Variants in CNTN5 observed in about 807,000 individuals in gnomAD.
CNTN5 encodes the protein contactin-5.
CNTN5 carries 77 observed loss-of-function variants against 129.1 expected under a neutral mutation model. The ratio of observed to expected loss-of-function variants is 0.60; its 90% confidence interval spans 0.50 to 0.72. CNTN5 has a LOEUF of 0.72. Ranked by LOEUF, CNTN5 falls within the 30% of genes least tolerant of loss-of-function variation. The pLI, the probability that CNTN5 is intolerant of heterozygous loss-of-function variation, is 0.00. For missense variants in CNTN5, 1,478 were observed against 1,328.8 expected (o/e 1.11, Z -1.75); for synonymous variants, 509 against 465.6 (o/e 1.09, Z -1.20).
Position 100,354,021 on chromosome 11 carries a change from C to T in CNTN5, c.3200-2096C>T, listed in dbSNP as rs560272263. On this transcript the variant is annotated intron_variant, in intron 24 of 24. Transcript: ENST00000524871. Reference sequence around the variant, plus strand: ...TATTAGGGTTTTAACTAAGGCCAATCATTGTTTTAAGAGAGATAATACACG... The same window carrying T: ...TATTAGGGTTTTAACTAAGGCCAATTATTGTTTTAAGAGAGATAATACACG... Among the ~76,000 whole-genome samples the T allele has an allele frequency of 4.0e-4, 60 of 151,532 alleles. No individual in the cohort carries two copies. The South Asian group carries it at 0.012, about 31-fold the overall frequency.
chr11:99,662,524 T>G (rs1952632498), intron 3 of CNTN5, among the ~76,000 whole-genome samples: 2 of 152,370 alleles, frequency 1.3e-5, no homozygotes, highest in South Asian at 4.1e-4. Flanking sequence ...ATGCTCATTT[T>G]CTTCACATTT....
chr11:100,336,957 G>T, intron 21 of CNTN5: 1 of 709,696 alleles, frequency 1.4e-6, no homozygotes, highest in South Asian at 1.5e-5. Context: ...ACCTTCTTAG[G>T]CAGAAAAGAA....
intron 3 of CNTN5, among the ~76,000 whole-genome samples, chr11:99,763,120 T>C (rs1203825918): frequency 8.1e-6 from 1 of 123,732 alleles, no homozygotes; most frequent in African/African-American, 2.8e-5. Flanking sequence ...CATATTCATA[T>C]ACTTTACTGT....
chr11:99,798,554 TTGTTGAAGATTAGATGGCTATGGGTA>T (rs1946019243), intron 3 of CNTN5, among the ~76,000 whole-genome samples: 1 of 152,158 alleles, frequency 6.6e-6, no homozygotes, highest in South Asian at 2.1e-4. Context: ...TTTGTTGACT[TTGTTGAAGATTAGATGGCTATGGGTA>T]TTTGGTGTTA....
chr11:99,920,814 A>G (rs953328584), intron 7 of CNTN5, among the ~76,000 whole-genome samples: 5 of 152,112 alleles, frequency 3.3e-5, no homozygotes, highest in Non-Finnish European at 5.9e-5. Flanking sequence ...ACACTTGCCA[A>G]CTAATACCAG....
intron 3 of CNTN5, among the ~76,000 whole-genome samples, chr11:99,572,206 AAAG>A (rs1452383399): frequency 1.3e-5 from 2 of 152,258 alleles, no homozygotes; most frequent in African/African-American, 4.8e-5. Flanking sequence ...CACACTGGAA[AAAG>A]AAGAATTGTC....
Position 100,061,278 on chromosome 11 carries a change from A to G in CNTN5, c.1047A>G (p.Lys349=). 6.2e-7 allele frequency: 1 copy of G among 1,613,666 alleles called. No individual in the cohort carries two copies. The highest frequency in any genetic ancestry group is 8.5e-7 in the Non-Finnish European group (1 of 1,179,606). The change falls in exon 10 of 25, where the codon AAA becomes AAG. Residue 349 remains lysine, a synonymous_variant. Transcript: ENST00000524871. ...GYIPSKARLR[K]SQAVLEIPNV... The stretch of plus-strand genomic sequence containing the variant: ...TTCCTAGTAAGGCACGTCTGCGGAA[A>G]TCTCAGGCGGTGCTGGAAATACCGA...
At chr11:99,556,522 A>G (rs1396480115) in intron 3 of CNTN5, among the ~76,000 whole-genome samples, 2 of 140,720 alleles carry the variant, frequency 1.4e-5, no homozygotes, top group African/African-American at 5.1e-5. Context: ...TTCATTTGCA[A>G]TCTAAACCAT....
chr11:100,056,850 G>A (rs978635251), intron 9 of CNTN5, among the ~76,000 whole-genome samples: 4 of 151,696 alleles, frequency 2.6e-5, no homozygotes, highest in Admixed American at 2.0e-4. Context: ...GATTCCATAG[G>A]AGGTAAACTG....
At chr11:99,669,846 A>G (rs1000935460) in intron 3 of CNTN5, among the ~76,000 whole-genome samples, 2 of 152,146 alleles carry the variant, frequency 1.3e-5, no homozygotes, top group Non-Finnish European at 2.9e-5. Flanking sequence ...TTCTCATTCA[A>G]CACCCTGTCT....
At chr11:99,151,202 C>CT (rs934465446) in intron 1 of CNTN5, among the ~76,000 whole-genome samples, 4 of 150,808 alleles carry the variant, frequency 2.7e-5, no homozygotes, top group Admixed American at 6.6e-5. Context: ...GCTTTGTCAA[C>CT]TTTTTTTTTA....
intron 13 of CNTN5, among the ~76,000 whole-genome samples, chr11:100,086,133 T>C (rs1234792767): frequency 1.6e-4 from 25 of 151,912 alleles, no homozygotes; most frequent in Non-Finnish European, 1.5e-4. Flanking sequence ...AGTTCAAGCT[T>C]AACTTAGTAG....
At chr11:99,186,309 A>G (rs1858348366) in intron 1 of CNTN5, among the ~76,000 whole-genome samples, 1 of 151,990 alleles carries the variant, frequency 6.6e-6, no homozygotes, top group South Asian at 2.1e-4. Context: ...ACATTATAGC[A>G]CTCATACCTT....
chr11:100,124,633 G>A (rs1946126973), intron 13 of CNTN5, among the ~76,000 whole-genome samples: 1 of 152,048 alleles, frequency 6.6e-6, no homozygotes, highest in East Asian at 1.9e-4. Context: ...TTGTGATTTA[G>A]TATAAACACA....
At chr11:99,375,112 G>T (rs1289472748) in intron 2 of CNTN5, among the ~76,000 whole-genome samples, 2 of 152,020 alleles carry the variant, frequency 1.3e-5, no homozygotes, top group African/African-American at 2.4e-5. Flanking sequence ...AGACCAGCCT[G>T]GCCAACATGG....
chr11:99,988,897 A>C (rs1938868965), intron 8 of CNTN5, among the ~76,000 whole-genome samples: 1 of 151,610 alleles, frequency 6.6e-6, no homozygotes. Flanking sequence ...CTTCCTCATA[A>C]CTTAGGTTTG....
intron 1 of CNTN5, among the ~76,000 whole-genome samples, chr11:99,035,281 T>C (rs1382742106): frequency 2.0e-5 from 3 of 149,632 alleles, no homozygotes; most frequent in African/African-American, 7.3e-5. Context: ...AGATGTCTAT[T>C]AGGTCCGCTT....
chr11:99,952,461 A>G (rs1193197748), intron 7 of CNTN5, among the ~76,000 whole-genome samples: 2 of 152,216 alleles, frequency 1.3e-5, no homozygotes, highest in East Asian at 3.8e-4. Context: ...GCATCAGTAA[A>G]AATTAATACA....
chr11:99,706,624 G>T (rs370621105), intron 3 of CNTN5, among the ~76,000 whole-genome samples: 2 of 151,230 alleles, frequency 1.3e-5, no homozygotes, highest in African/African-American at 2.4e-5. Context: ...ATGTGGTGTC[G>T]TCAGAAACTA....
Sources: allele counts gnomAD v4.1 joint callset (sites outside exome capture counted in the v4.1 genomes callset), GRCh38; gene constraint gnomAD v4.1.1; transcripts MANE v1.5; gene names NCBI Gene and HGNC (gene_info 2026-07-23, HGNC 2026-07-21).